ARHGAP12: variants seen among roughly 807,000 people sequenced by gnomAD.
ARHGAP12 encodes the protein Rho GTPase activating protein 12, also known as rho GTPase-activating protein 12.
Under a neutral mutation model 108.6 loss-of-function variants are expected in ARHGAP12, and 64 were observed. The observed-to-expected ratio is 0.59, with a 90% CI of 0.48 to 0.73. The LOEUF (loss-of-function observed/expected upper bound fraction) is 0.73. ARHGAP12 is among the 30% of genes least tolerant of loss of function. ARHGAP12 has a pLI of 0.00. For synonymous variants in ARHGAP12, 312 were observed against 337.2 expected (o/e 0.93, Z 0.82); for missense variants, 940 against 1,005.9 (o/e 0.93, Z 0.89).
rs1235408190 is a variant in ARHGAP12, at chr10:31,908,763, C to A, written c.93G>T (p.Lys31Asn). 6.2e-7 allele frequency: 1 copy of A among 1,613,514 alleles called. No homozygotes were observed. The highest frequency in any genetic ancestry group is 8.5e-7 in the Non-Finnish European group (1 of 1,180,026). Residue 31 changes from lysine (K) to asparagine (N), a missense_variant, in exon 3 of 20, where the codon AAG (lysine) becomes AAT (asparagine). Physicochemically the swap from Lys to Asn is moderately conservative, Grantham distance 94. Coordinates refer to ENST00000344936, the MANE Select transcript of ARHGAP12 (RefSeq NM_018287.7). The part of the protein sequence containing the change: ...YDYEYEAKDR[K>N]IVIKQGERYI... ...ACCTCTCCCCTTGTTTTATCACAATCTTTCTGTCCTTTGCTTCATATTCAT... is the reference window on the plus strand; with the variant it reads ...ACCTCTCCCCTTGTTTTATCACAATATTTCTGTCCTTTGCTTCATATTCAT...
intron 18 of ARHGAP12, 58 bp downstream of exon 18, chr10:31,808,936 T>C: frequency 1.3e-6 from 2 of 1,496,720 alleles, no homozygotes; most frequent in South Asian, 1.3e-5. Context: ...TTGGGTGGCT[T>C]AATCTGTGCA....
rs762341411 is a variant in ARHGAP12, at chr10:31,814,368, G to A, written c.1732-7C>T. The stretch of plus-strand genomic sequence containing the variant: ...CTTCATCAGTTTCTACTGCCTATTG[G>A]TTAGATATTTCCCAAACACATATTA... On this transcript the variant is annotated splice_polypyrimidine_tract_variant and splice_region_variant and intron_variant, in intron 13 of 19. Coordinates refer to ENST00000344936, the MANE Select transcript of ARHGAP12 (RefSeq NM_018287.7). 12 of 1,597,944 alleles carry A rather than the reference G, an allele frequency of 7.5e-6. No homozygotes were observed. The highest frequency in any genetic ancestry group is 1.0e-5 in the Non-Finnish European group (12 of 1,165,728).
chr10:31,902,044 TG>T (rs1157009369), intron 3 of ARHGAP12, among the ~76,000 whole-genome samples: 1 of 152,138 alleles, frequency 6.6e-6, no homozygotes, highest in Non-Finnish European at 1.5e-5. Flanking sequence ...CTATTATCTT[TG>T]GTAAGTATTA....
chr10:31,919,539 T>C (rs916768977), intron 1 of ARHGAP12, among the ~76,000 whole-genome samples: 1 of 152,096 alleles, frequency 6.6e-6, no homozygotes, highest in Non-Finnish European at 1.5e-5. Context: ...ACGCCTGTAA[T>C]CCCAGCACTT....
rs1335173934 is a variant in ARHGAP12 at position 31,928,719 on chromosome 10, C to T, written c.-147G>A. On this transcript the variant is annotated 5_prime_UTR_variant, in exon 1 of 20. Transcript: ENST00000344936. ...CGGCCTCGCAGCAGGCGGCTCCCTT[C>T]TTAGTCCGCCCCGCGGCTGCGGGTC... 1 of 151,862 alleles carries T rather than the reference C, an allele frequency of 6.6e-6. No homozygotes were observed. The highest frequency in any genetic ancestry group is 1.5e-5 in the Non-Finnish European group (1 of 67,948). 9.4% of individuals were successfully genotyped at this position (151,862 alleles called of 1,614,324 possible). A position where few individuals can be genotyped will look rare whatever the true frequency, so the allele number is the denominator to read the frequency against.
chr10:31,886,055 G>A (rs1191901643), intron 3 of ARHGAP12, among the ~76,000 whole-genome samples: 2 of 152,096 alleles, frequency 1.3e-5, no homozygotes, highest in African/African-American at 2.4e-5. Context: ...TAATTGTTGT[G>A]ATAAAATTAT....
chr10:31,897,138 C>A (rs1220709377), intron 3 of ARHGAP12, among the ~76,000 whole-genome samples: 2 of 152,088 alleles, frequency 1.3e-5, no homozygotes, highest in Non-Finnish European at 2.9e-5. Flanking sequence ...GAAGATACTC[C>A]CATAGCTCTG....
intron 12 of ARHGAP12, among the ~76,000 whole-genome samples, chr10:31,818,284 TTCTG>T (rs770408440): frequency 4.5e-4 from 69 of 152,330 alleles, no homozygotes; most frequent in Non-Finnish European, 7.5e-4. Context: ...AGAAATTTTT[TTCTG>T]TCTCTCTGGC....
chr10:31,847,434 C>T (rs887450444), intron 6 of ARHGAP12, among the ~76,000 whole-genome samples: 4 of 152,072 alleles, frequency 2.6e-5, no homozygotes, highest in East Asian at 1.9e-4. Context: ...TCTGATCTGC[C>T]CTGTTTGTGT....
intron 4 of ARHGAP12, among the ~76,000 whole-genome samples, chr10:31,859,524 G>A (rs924959717): frequency 3.3e-5 from 5 of 152,108 alleles, no homozygotes; most frequent in South Asian, 2.1e-4. Context: ...TCAAGAAGTC[G>A]CTGGAAGATG....
Position 31,831,750 on chromosome 10 carries a change from C to T in ARHGAP12, c.1437G>A (p.Gly479=), listed in dbSNP as rs2808100. Residue 479 remains glycine (G), a synonymous_variant, in exon 10 of 20, where the codon GGG becomes GGA. Transcript: ENST00000344936. ...LLNVTKIAEN[G]KKVRKNWLSS... is the part of the protein sequence containing the mutation. ...ACTTGTGTACTTACCGAACCTTTTT[C>T]CCATTTTCAGCAATTTTTGTTACAT... is the stretch of plus-strand genomic sequence containing the variant. The T allele has an allele frequency of 0.21, 326,495 of 1,565,438 alleles. 35,704 individuals carry two copies. Among genetic ancestry groups the T allele is most frequent in the East Asian group, 0.34 (15,083 of 43,762 alleles).
At chr10:31,920,501 T>C (rs2132493953) in intron 1 of ARHGAP12, among the ~76,000 whole-genome samples, 1 of 131,982 alleles carries the variant, frequency 7.6e-6, no homozygotes, top group Middle Eastern at 3.9e-3. Flanking sequence ...TTACGCAGCA[T>C]ACAAATGATG....
rs922080781 is a variant in ARHGAP12 at position 31,896,840 on chromosome 10, T to G, written c.684+11332A>C. Among the ~76,000 whole-genome samples, 4 of 152,294 alleles carry G rather than the reference T, an allele frequency of 2.6e-5. No homozygotes were observed. The East Asian group carries it at 7.7e-4, about 29-fold the overall frequency. ...AGCTGAACAAACTGAAAATAATTTA[T>G]TTCTAGGACCCATTACAGAACCAAA... On this transcript the variant is annotated intron_variant, in intron 3 of 19. Transcript: ENST00000344936.
rs572767313 is a variant in ARHGAP12 at position 31,884,876 on chromosome 10, C to G, written c.685-23218G>C. ...AATCTCCAGTTGAGCTCAAAAAACT[C>G]ACCATGTCATTTCTTCATAAATTTT... On this transcript the variant is annotated intron_variant, in intron 3 of 19. Coordinates refer to ENST00000344936, the MANE Select transcript of ARHGAP12 (RefSeq NM_018287.7). 1.2e-3 allele frequency among the ~76,000 whole-genome samples: 179 copies of G among 152,302 alleles called. 1 individual carries two copies. Among genetic ancestry groups the G allele is most frequent in the African/African-American group, 3.9e-3 (164 of 41,566 alleles).
At chr10:31,884,593 C>T (rs1838124107) in intron 3 of ARHGAP12, among the ~76,000 whole-genome samples, 1 of 152,154 alleles carries the variant, frequency 6.6e-6, no homozygotes, top group African/African-American at 2.4e-5. Context: ...TAACAATTAA[C>T]TCTTTGTACT....
Position 31,806,702 on chromosome 10 carries a change from A to G in ARHGAP12, c.*956T>C, listed in dbSNP as rs1473407620. On this transcript the variant is annotated 3_prime_UTR_variant, in exon 20 of 20. Transcript: ENST00000344936. ...TTGCCTGTAAATGTAGTTAATATCTAAAAGTGCACACAGTTAACTTTCCCA... is the reference window on the plus strand; with the variant it reads ...TTGCCTGTAAATGTAGTTAATATCTGAAAGTGCACACAGTTAACTTTCCCA... 1 of 152,588 alleles carries G rather than the reference A, an allele frequency of 6.6e-6. No individual in the cohort carries two copies. The highest frequency in any genetic ancestry group is 2.1e-4 in the South Asian group (1 of 4,834). 9.5% of individuals were successfully genotyped at this position (152,588 alleles called of 1,614,324 possible). A position where few individuals can be genotyped will look rare whatever the true frequency, so the allele number is the denominator to read the frequency against.
chr10:31,910,069 C>A (rs1839284645), intron 2 of ARHGAP12, among the ~76,000 whole-genome samples: 1 of 152,100 alleles, frequency 6.6e-6, no homozygotes, highest in South Asian at 2.1e-4. Flanking sequence ...GAAGGGTTCT[C>A]CCCTGGAGCC....
At chr10:31,867,058 G>A (rs1313737593) in intron 3 of ARHGAP12, among the ~76,000 whole-genome samples, 3 of 151,822 alleles carry the variant, frequency 2.0e-5, no homozygotes, top group Non-Finnish European at 4.4e-5. Context: ...TAGGTTTATT[G>A]ACAATGAAAG....
intron 4 of ARHGAP12, among the ~76,000 whole-genome samples, chr10:31,859,713 T>C (rs1282484949): frequency 6.6e-6 from 1 of 152,222 alleles, no homozygotes. Flanking sequence ...CCTAATTCTC[T>C]AAAATTGTTA....
Sources: gnomAD v4.1 joint callset for allele counts (sites outside exome capture counted in the v4.1 genomes callset) on GRCh38, gnomAD v4.1.1 for gene constraint, MANE v1.5 for transcripts, NCBI Gene and HGNC (gene_info 2026-07-23, HGNC 2026-07-21) for gene names.